DPYD: variants seen among roughly 807,000 people sequenced by gnomAD.
DPYD encodes dihydropyrimidine dehydrogenase [NADP(+)].
DPYD carries 109 observed loss-of-function variants against 116.2 expected under a neutral mutation model. The ratio of observed to expected loss-of-function variants is 0.94; its 90% CI spans 0.80 to 1.10. DPYD has a LOEUF of 1.10. Among genes scored for constraint, DPYD ranks in the 50% least tolerant of loss-of-function variants. The pLI, the probability that DPYD is intolerant of heterozygous loss-of-function variation, is 0.00. For missense variants in DPYD, 1,302 were observed against 1,254.5 expected (o/e 1.04, Z -0.57); for synonymous variants, 440 against 432.0 (o/e 1.02, Z -0.23).
At chr1:97,228,745 TAGAA>T (rs1027049724) in intron 19 of DPYD, among the ~76,000 whole-genome samples, 23 of 152,226 alleles carry the variant, frequency 1.5e-4, no homozygotes, top group Non-Finnish European at 2.2e-4. Flanking sequence ...TAGAAATCAT[TAGAA>T]AGGTGGATTT....
At chr1:97,817,580 T>TA (rs1395164092) in intron 3 of DPYD, among the ~76,000 whole-genome samples, 1 of 152,006 alleles carries the variant, frequency 6.6e-6, no homozygotes, top group Non-Finnish European at 1.5e-5. Flanking sequence ...GAACGAGTAA[T>TA]AAAAAATGCC....
intron 18 of DPYD, among the ~76,000 whole-genome samples, chr1:97,272,839 A>G (rs1664684757): frequency 6.6e-6 from 1 of 152,132 alleles, no homozygotes; most frequent in African/African-American, 2.4e-5. Flanking sequence ...ACTTTCTATT[A>G]TAAGGTGTCT....
At chr1:97,613,850 C>A (rs1407217265) in intron 8 of DPYD, among the ~76,000 whole-genome samples, 1 of 151,922 alleles carries the variant, frequency 6.6e-6, no homozygotes, top group Admixed American at 6.6e-5. Flanking sequence ...ATAAAAGTAG[C>A]AGTTCTACCA....
At chr1:97,306,928 A>C (rs74104346) in intron 16 of DPYD, among the ~76,000 whole-genome samples, 2 of 151,964 alleles carry the variant, frequency 1.3e-5, no homozygotes, top group Non-Finnish European at 2.9e-5. Flanking sequence ...GCACTCACAA[A>C]CTTGACAGAA....
chr1:97,844,839 G>GTGCC (rs767754828), intron 2 of DPYD, among the ~76,000 whole-genome samples: 5 of 152,326 alleles, frequency 3.3e-5, no homozygotes, highest in East Asian at 1.9e-4. Context: ...AGTCTCAGAA[G>GTGCC]TGCCTGCTCC....
intron 20 of DPYD, among the ~76,000 whole-genome samples, chr1:97,138,783 G>C (rs770534181): frequency 7.2e-5 from 11 of 152,162 alleles, no homozygotes; most frequent in Non-Finnish European, 1.6e-4. Context: ...ACTCAAGATA[G>C]TGTTTGCTAA....
intron 18 of DPYD, among the ~76,000 whole-genome samples, chr1:97,268,420 G>A (rs1664368090): frequency 6.6e-6 from 1 of 152,168 alleles, no homozygotes; most frequent in African/African-American, 2.4e-5. Context: ...CATTGCCCTA[G>A]TAATAGCTCT....
chr1:97,783,464 G>C (rs555034176), intron 3 of DPYD, among the ~76,000 whole-genome samples: 1 of 150,236 alleles, frequency 6.7e-6, no homozygotes, highest in African/African-American at 2.5e-5. Context: ...GTGTGATCTC[G>C]GCTCACTGCA....
intron 13 of DPYD, among the ~76,000 whole-genome samples, chr1:97,462,453 C>T (rs1262088230): frequency 6.6e-6 from 1 of 151,926 alleles, no homozygotes; most frequent in Non-Finnish European, 1.5e-5. Flanking sequence ...TATGAATAGG[C>T]CCCCTCCTCT....
In DPYD at chr1:97,746,163, T is replaced by A. The variant is rs566032919; in HGVS notation, c.234-5684A>T. Among the ~76,000 whole-genome samples, 101 of 152,230 alleles carry A rather than the reference T, an allele frequency of 6.6e-4. 2 individuals carry two copies. In the South Asian group the frequency reaches 0.018, roughly 27 times the overall value. ...CTCAGAGAAGGAAAGTGACTTGTCC[T>A]AAATCTTCCTCAGAGTTTATGGCAA... On this transcript the variant is annotated intron_variant, in intron 3 of 22. Coordinates refer to ENST00000370192, the MANE Select transcript of DPYD (RefSeq NM_000110.4).
intron 13 of DPYD, among the ~76,000 whole-genome samples, chr1:97,463,149 T>C (rs1178581424): frequency 6.6e-6 from 1 of 152,222 alleles, no homozygotes; most frequent in African/African-American, 2.4e-5. Context: ...TGTGTTGATA[T>C]AATTTGGCTG....
At chr1:97,173,072 T>C (rs1656853238) in intron 20 of DPYD, among the ~76,000 whole-genome samples, 1 of 151,872 alleles carries the variant, frequency 6.6e-6, no homozygotes, top group African/African-American at 2.4e-5. Flanking sequence ...CAGAATTGGG[T>C]TTGCGTCCGG....
chr1:97,920,612 A>G (rs984468878), intron 1 of DPYD, among the ~76,000 whole-genome samples: 1 of 152,174 alleles, frequency 6.6e-6, no homozygotes, highest in African/African-American at 2.4e-5. Context: ...GGAGGACAAG[A>G]CAGGCTTCCT....
At chr1:97,801,028 A>G (rs988479605) in intron 3 of DPYD, among the ~76,000 whole-genome samples, 1 of 151,742 alleles carries the variant, frequency 6.6e-6, no homozygotes, top group Non-Finnish European at 1.5e-5. Flanking sequence ...TCATTCTACA[A>G]CCTATTCCAA....
chr1:97,289,412 G>GATGA (rs1455949775), intron 18 of DPYD, among the ~76,000 whole-genome samples: 33 of 152,088 alleles, frequency 2.2e-4, no homozygotes, highest in Admixed American at 2.2e-3. Context: ...CAATATCCTT[G>GATGA]ATGAACATTG....
At chr1:97,674,669 A>C (rs1414549170) in intron 8 of DPYD, among the ~76,000 whole-genome samples, 1 of 152,036 alleles carries the variant, frequency 6.6e-6, no homozygotes, top group Non-Finnish European at 1.5e-5. Context: ...AAAAAAAAAA[A>C]AAGGAACTAT....
chr1:97,270,359 C>A (rs1334228445), intron 18 of DPYD, among the ~76,000 whole-genome samples: 1 of 152,154 alleles, frequency 6.6e-6, no homozygotes, highest in Non-Finnish European at 1.5e-5. Context: ...TGTGTTCTTG[C>A]AATATCTCAA....
intron 5 of DPYD, among the ~76,000 whole-genome samples, chr1:97,713,623 A>G (rs530886466): frequency 6.6e-6 from 1 of 152,240 alleles, no homozygotes; most frequent in East Asian, 1.9e-4. Context: ...CACTGCATTA[A>G]GAGTAAAAGG....
chr1:97,380,510 T>G (rs1003261737), intron 15 of DPYD, among the ~76,000 whole-genome samples: 8 of 152,236 alleles, frequency 5.3e-5, no homozygotes. Context: ...GTGTCATTTC[T>G]GTTTCAGATG....
Sources: allele counts gnomAD v4.1 joint callset (sites outside exome capture counted in the v4.1 genomes callset), GRCh38; gene constraint gnomAD v4.1.1; transcripts MANE v1.5; gene names NCBI Gene and HGNC (gene_info 2026-07-23, HGNC 2026-07-21).